FOXP1: variants seen among roughly 807,000 people sequenced by gnomAD.
FOXP1 encodes forkhead box protein P1.
Under a neutral mutation model 98.2 loss-of-function variants are expected in FOXP1, and 15 were observed. The ratio of observed to expected loss-of-function variants is 0.15; its 90% CI spans 0.10 to 0.24. The LOEUF (loss-of-function observed/expected upper bound fraction) is 0.24. Ranked by LOEUF, FOXP1 falls within the 10% of genes least tolerant of loss-of-function variation. The pLI is 1.00. For missense variants in FOXP1, 633 were observed against 848.5 expected (o/e 0.75, Z 3.15); for synonymous variants, 371 against 314.5 (o/e 1.18, Z -1.90).
chr3:71,081,619 G>A (rs1048792290), intron 7 of FOXP1, among the ~76,000 whole-genome samples: 6 of 152,206 alleles, frequency 3.9e-5, no homozygotes, highest in African/African-American at 1.4e-4. Flanking sequence ...AACTGCTTTG[G>A]TTGGGGGATA....
At chr3:71,144,659 A>AT (rs2060220008) in intron 6 of FOXP1, among the ~76,000 whole-genome samples, 1 of 152,172 alleles carries the variant, frequency 6.6e-6, no homozygotes, top group Non-Finnish European at 1.5e-5. Context: ...ATCACAAGAG[A>AT]TAGGCTGGGC....
intron 6 of FOXP1, among the ~76,000 whole-genome samples, chr3:71,141,828 A>G (rs2060086135): frequency 6.6e-6 from 1 of 152,244 alleles, no homozygotes; most frequent in African/African-American, 2.4e-5. Flanking sequence ...CCTACTCTAG[A>G]TAAGTCCATC....
At chr3:71,003,322 G>A (rs752384683) in intron 12 of FOXP1, among the ~76,000 whole-genome samples, 10 of 152,162 alleles carry the variant, frequency 6.6e-5, no homozygotes, top group Non-Finnish European at 1.5e-4. Context: ...CCTTAATGAT[G>A]TTTAAACACA....
At chr3:71,023,374 T>C (rs1253898731) in intron 11 of FOXP1, among the ~76,000 whole-genome samples, 1 of 152,204 alleles carries the variant, frequency 6.6e-6, no homozygotes, top group African/African-American at 2.4e-5. Context: ...GACTGCTTAT[T>C]CCCAGCCAAA....
intron 5 of FOXP1, among the ~76,000 whole-genome samples, chr3:71,209,020 A>G (rs1279072573): frequency 1.3e-5 from 2 of 152,176 alleles, no homozygotes; most frequent in Admixed American, 6.5e-5. Context: ...TGCTGTTACC[A>G]ACATCACATT....
intron 2 of FOXP1, among the ~76,000 whole-genome samples, chr3:71,509,555 G>T (rs1468194815): frequency 6.6e-6 from 1 of 152,064 alleles, no homozygotes; most frequent in South Asian, 2.1e-4. Flanking sequence ...ATACATCATG[G>T]GGGGAGGACA....
intron 5 of FOXP1, among the ~76,000 whole-genome samples, chr3:71,229,802 T>C (rs1453923216): frequency 6.6e-6 from 1 of 152,120 alleles, no homozygotes; most frequent in Non-Finnish European, 1.5e-5. Flanking sequence ...CTCCTTAAGG[T>C]ACCCACTGTC....
chr3:71,448,404 C>A (rs2086646635), intron 3 of FOXP1, among the ~76,000 whole-genome samples: 2 of 152,128 alleles, frequency 1.3e-5, no homozygotes. Flanking sequence ...AATTCTGGTA[C>A]CTCTCCCAAA....
chr3:71,144,845 C>T (rs188060808), intron 6 of FOXP1, among the ~76,000 whole-genome samples: 1 of 152,334 alleles, frequency 6.6e-6, no homozygotes, highest in African/African-American at 2.4e-5. Flanking sequence ...ACACCCTCCT[C>T]ACCACCCCTG....
rs1052956373 is a variant in FOXP1 at position 71,282,006 on chromosome 3, G to A, written c.-12+17814C>T. On this transcript the variant is annotated intron_variant, in intron 5 of 20. Coordinates refer to ENST00000649528, the MANE Select transcript of FOXP1 (RefSeq NM_001349338.3). ...ACCTGTAATCCCAGCTACTCAAGAG[G>A]CTGAGAGGGGAAGACTCGCTTGAAC... Among the ~76,000 whole-genome samples, 4 of 152,078 alleles carry A rather than the reference G, an allele frequency of 2.6e-5. No individual in the cohort carries two copies. The East Asian group carries it at 7.7e-4, about 29-fold the overall frequency.
Position 71,258,138 on chromosome 3 carries a change from C to G in FOXP1, c.-12+41682G>C, listed in dbSNP as rs988982389. The stretch of plus-strand genomic sequence containing the variant: ...AGGCAAGAATTTGTGGCTTTCGAAT[C>G]TGAAAAGAACCCACTAAAATACAGA... On this transcript the variant is annotated intron_variant, in intron 5 of 20. Coordinates refer to ENST00000649528, the MANE Select transcript of FOXP1 (RefSeq NM_001349338.3). Among the ~76,000 whole-genome samples, 9 of 152,160 alleles carry G rather than the reference C, an allele frequency of 5.9e-5. No individual in the cohort carries two copies. The East Asian group carries it at 1.5e-3, about 26-fold the overall frequency.
chr3:71,536,391 C>A (rs911301941), intron 2 of FOXP1, among the ~76,000 whole-genome samples: 1 of 152,148 alleles, frequency 6.6e-6, no homozygotes, highest in African/African-American at 2.4e-5. Flanking sequence ...CACCTCCACA[C>A]CCCAGTCACC....
chr3:71,233,688 AC>A (rs34316675), intron 5 of FOXP1, among the ~76,000 whole-genome samples: 1 of 141,372 alleles, frequency 7.1e-6, no homozygotes, highest in Non-Finnish European at 1.5e-5. Context: ...TCGGCCTCGC[AC>A]CCCCCCAGCT....
chr3:71,384,046 G>A (rs891160029), intron 3 of FOXP1, among the ~76,000 whole-genome samples: 2 of 152,072 alleles, frequency 1.3e-5, no homozygotes, highest in Non-Finnish European at 2.9e-5. Flanking sequence ...GTGTAACCCT[G>A]CCTCTACTAA....
intron 3 of FOXP1, among the ~76,000 whole-genome samples, chr3:71,459,375 T>C (rs1463947407): frequency 6.6e-6 from 1 of 152,196 alleles, no homozygotes; most frequent in African/African-American, 2.4e-5. Context: ...CTTCATACAC[T>C]AGTTCTGAGA....
intron 6 of FOXP1, among the ~76,000 whole-genome samples, chr3:71,192,685 C>T (rs2063059016): frequency 6.6e-6 from 1 of 152,216 alleles, no homozygotes; most frequent in East Asian, 1.9e-4. Context: ...CAATCTGTCA[C>T]CCAGCCCAGG....
At chr3:71,512,688 C>T (rs927163976) in intron 2 of FOXP1, among the ~76,000 whole-genome samples, 13 of 152,180 alleles carry the variant, frequency 8.5e-5, no homozygotes, top group Admixed American at 3.3e-4. Flanking sequence ...AACAGCTGGT[C>T]ACTACCCAGT....
chr3:71,526,283 T>A (rs765348334), intron 2 of FOXP1, among the ~76,000 whole-genome samples: 1 of 152,154 alleles, frequency 6.6e-6, no homozygotes, highest in Non-Finnish European at 1.5e-5. Flanking sequence ...CACCTTCAGA[T>A]CCCAGGAATA....
intron 5 of FOXP1, among the ~76,000 whole-genome samples, chr3:71,208,056 G>C (rs915911820): frequency 1.3e-5 from 2 of 152,158 alleles, no homozygotes; most frequent in Non-Finnish European, 2.9e-5. Flanking sequence ...TTTATGGCAG[G>C]GGGGATTTAT....
Sources: gnomAD v4.1 joint callset for allele counts (sites outside exome capture counted in the v4.1 genomes callset) on GRCh38, gnomAD v4.1.1 for gene constraint, MANE v1.5 for transcripts, NCBI Gene and HGNC (gene_info 2026-07-23, HGNC 2026-07-21) for gene names.